Variants in PCDHA2 observed in about 807,000 individuals in gnomAD.
PCDHA2 encodes protocadherin alpha 2, also known as protocadherin alpha-2.
PCDHA2 carries 58 observed loss-of-function variants against 66.0 expected under a neutral mutation model. The observed-to-expected ratio is 0.88, with a 90% CI of 0.71 to 1.09. The LOEUF (loss-of-function observed/expected upper bound fraction) is 1.09, where lower values mean the gene tolerates loss of function less well. Among genes scored for constraint, PCDHA2 ranks in the 50% least tolerant of loss-of-function variants. PCDHA2 has a pLI of 0.00. For synonymous variants in PCDHA2, 634 were observed against 554.0 expected, an observed-to-expected ratio of 1.14 and a Z score of -2.03; for missense variants, 1,267 against 1,242.3, an observed-to-expected ratio of 1.02 and a Z score of -0.30.
intron 1 of PCDHA2, among the ~76,000 whole-genome samples, chr5:140,904,604 T>C (rs1010462159): frequency 2.0e-5 from 3 of 152,094 alleles, no homozygotes; most frequent in Non-Finnish European, 1.5e-5. Flanking sequence ...CTGGATCAAA[T>C]AGTAGTTTTA....
At chr5:140,846,874 G>A (rs1315132744) in intron 1 of PCDHA2, among the ~76,000 whole-genome samples, 2 of 149,594 alleles carry the variant, frequency 1.3e-5, no homozygotes, top group Admixed American at 6.7e-5. Flanking sequence ...AGGTACAAGA[G>A]GTAAATCAGA....
intron 1 of PCDHA2, among the ~76,000 whole-genome samples, chr5:140,886,681 C>T (rs1184298079): frequency 1.3e-5 from 2 of 151,832 alleles, no homozygotes; most frequent in Admixed American, 6.6e-5. Context: ...CAAAAATTAG[C>T]GAGGCATGGT....
At chr5:140,956,181 T>C (rs1351584707) in intron 1 of PCDHA2, among the ~76,000 whole-genome samples, 1 of 152,212 alleles carries the variant, frequency 6.6e-6, no homozygotes, top group South Asian at 2.1e-4. Flanking sequence ...CTTCCAATAC[T>C]ATGCTGAATA....
At chr5:140,830,065 G>A (rs2150180583) in intron 1 of PCDHA2, 1 of 1,613,730 alleles carries the variant, frequency 6.2e-7, no homozygotes. Flanking sequence ...GTGAGCCGGC[G>A]CTGACAGCGA....
intron 1 of PCDHA2, chr5:140,858,129 T>A (rs1258479453): frequency 6.3e-7 from 1 of 1,597,464 alleles, no homozygotes; most frequent in Non-Finnish European, 8.6e-7. Context: ...CTGGTGGATG[T>A]CAACGTGTAC....
intron 1 of PCDHA2, among the ~76,000 whole-genome samples, chr5:140,942,906 G>C (rs1454697434): frequency 6.6e-6 from 1 of 151,800 alleles, no homozygotes; most frequent in African/African-American, 2.4e-5. Context: ...CTAAGAATAA[G>C]CGTGAAGAAA....
intron 1 of PCDHA2, chr5:140,801,559 T>C (rs1554121548): frequency 6.2e-7 from 1 of 1,613,756 alleles, no homozygotes; most frequent in Non-Finnish European, 8.5e-7. Context: ...CATGTGGAGG[T>C]GGAAGTGAAG....
At chr5:140,839,689 T>C (rs1776365065) in intron 1 of PCDHA2, among the ~76,000 whole-genome samples, 1 of 152,086 alleles carries the variant, frequency 6.6e-6, no homozygotes, top group East Asian at 1.9e-4. Context: ...GAGATTTTTT[T>C]GGGTAAATAA....
At chr5:140,928,032 TAGTGC>T (rs782031018) in intron 1 of PCDHA2, 7 of 1,614,216 alleles carry the variant, frequency 4.3e-6, no homozygotes, top group Non-Finnish European at 5.9e-6. Context: ...GTGGCATGTC[TAGTGC>T]AGGCCCTTTT....
intron 1 of PCDHA2, chr5:140,803,931 T>C (rs1329228144): frequency 2.3e-6 from 1 of 442,782 alleles, no homozygotes; most frequent in East Asian, 4.2e-5. Context: ...TTTATACTTA[T>C]CCCTATACAA....
chr5:140,818,662 C>T (rs147553541), intron 1 of PCDHA2, among the ~76,000 whole-genome samples: 3 of 152,228 alleles, frequency 2.0e-5, no homozygotes, highest in African/African-American at 7.2e-5. Flanking sequence ...TATAGGGAGA[C>T]TCCATCTTTA....
In PCDHA2 at chr5:140,797,246, G is replaced by C. The variant is rs1554120360; in HGVS notation, c.2282G>C (p.Gly761Ala). ...SQQRRQRVCS[G>A]EDPPKTDLMA... ...CAGAGGCGGCAGAGGGTGTGCTCTG[G>C]GGAGGACCCCCCCAAGACGGACCTC... Residue 761 changes from glycine (G) to alanine (A), a missense_variant, in exon 1 of 4, where the codon GGG becomes GCG. Gly to Ala is a moderately conservative substitution (Grantham distance 60). Coordinates refer to ENST00000526136, the MANE Select transcript of PCDHA2 (RefSeq NM_018905.3). The C allele has an allele frequency of 1.9e-6, 3 of 1,614,186 alleles. No homozygotes were observed. In the South Asian group the frequency reaches 3.3e-5, roughly 18 times the overall value.
At chr5:140,880,514 TC>T (rs1459255635) in intron 1 of PCDHA2, among the ~76,000 whole-genome samples, 1 of 152,198 alleles carries the variant, frequency 6.6e-6, no homozygotes, top group Non-Finnish European at 1.5e-5. Context: ...TTTGGTCACA[TC>T]TCTCAATGTG....
chr5:140,820,585 G>GT (rs1302579717), intron 1 of PCDHA2, among the ~76,000 whole-genome samples: 1 of 151,962 alleles, frequency 6.6e-6, no homozygotes, highest in African/African-American at 2.4e-5. Flanking sequence ...ATTAAGTGAA[G>GT]TTTACTAAAT....
At chr5:140,802,527 G>A in intron 1 of PCDHA2, 1 of 1,614,216 alleles carries the variant, frequency 6.2e-7, no homozygotes, top group Non-Finnish European at 8.5e-7. Context: ...CGTGTCCGTG[G>A]AGGTGGCCGA....
At chr5:140,875,474 T>A in intron 1 of PCDHA2, 2 of 1,606,582 alleles carry the variant, frequency 1.2e-6, no homozygotes, top group Non-Finnish European at 1.7e-6. Flanking sequence ...TTTTCTGCAA[T>A]GGTGATTATC....
intron 1 of PCDHA2, among the ~76,000 whole-genome samples, chr5:140,917,003 A>C (rs2077823052): frequency 6.6e-6 from 1 of 151,818 alleles, no homozygotes; most frequent in Non-Finnish European, 1.5e-5. Flanking sequence ...CTGTTCCAAA[A>C]TCTCCCTTCA....
At chr5:140,980,607 C>T (rs1471918192) in intron 2 of PCDHA2, among the ~76,000 whole-genome samples, 5 of 151,334 alleles carry the variant, frequency 3.3e-5, no homozygotes, top group Non-Finnish European at 7.4e-5. Context: ...TCCAGCCTGG[C>T]GACAGTGCGA....
At chr5:140,882,150 C>A in intron 1 of PCDHA2, 1 of 1,501,768 alleles carries the variant, frequency 6.7e-7, no homozygotes, top group Non-Finnish European at 8.9e-7. Context: ...TAGCAGAAAG[C>A]GGAATACCTC....
Sources: gnomAD v4.1 joint callset for allele counts (sites outside exome capture counted in the v4.1 genomes callset) on GRCh38, gnomAD v4.1.1 for gene constraint, MANE v1.5 for transcripts, NCBI Gene and HGNC (gene_info 2026-07-23, HGNC 2026-07-21) for gene names.